Variants in TARS3 observed in about 807,000 individuals in gnomAD.
The protein encoded by TARS3 is threonyl-tRNA synthetase 3.
Under a neutral mutation model 103.5 loss-of-function variants are expected in TARS3, and 94 were observed. The observed-to-expected ratio is 0.91, with a 90% CI of 0.77 to 1.08. The LOEUF (loss-of-function observed/expected upper bound fraction) is 1.08. TARS3 is among the 50% of genes least tolerant of loss of function. The pLI, the probability that TARS3 is intolerant of heterozygous loss-of-function variation, is 0.00. For synonymous variants in TARS3, 416 were observed against 355.4 expected (o/e 1.17, Z -1.92); for missense variants, 952 against 995.2 (o/e 0.96, Z 0.58).
chr15:101,657,755 A>C (rs1897241907), intron 17 of TARS3, 30 bp downstream of exon 17: 1 of 1,489,962 alleles, frequency 6.7e-7, no homozygotes. Flanking sequence ...ATGCAAGATT[A>C]TTATGTACTT....
intron 15 of TARS3, among the ~76,000 whole-genome samples, chr15:101,666,523 C>A (rs1235986924): frequency 1.3e-5 from 2 of 148,440 alleles, no homozygotes; most frequent in African/African-American, 5.0e-5. Context: ...TTTGCATTAA[C>A]CTCAGAAGCG....
At chr15:101,684,044 C>T (rs766210334) in intron 12 of TARS3, 31 bp downstream of exon 12, 4 of 1,591,972 alleles carry the variant, frequency 2.5e-6, no homozygotes, top group Non-Finnish European at 2.6e-6. Context: ...CAATTTGTGA[C>T]CACACTGCTT....
intron 15 of TARS3, among the ~76,000 whole-genome samples, chr15:101,670,787 A>G (rs1413860877): frequency 6.6e-6 from 1 of 152,208 alleles, no homozygotes; most frequent in Non-Finnish European, 1.5e-5. Flanking sequence ...TGGATCCACA[A>G]TGGCACACTA....
chr15:101,657,541 C>G (rs1897236094), intron 17 of TARS3, among the ~76,000 whole-genome samples: 1 of 152,206 alleles, frequency 6.6e-6, no homozygotes, highest in Admixed American at 6.5e-5. Context: ...CCTAATAGAG[C>G]TGTGTAGAAA....
chr15:101,668,670 G>T (rs960208525), intron 15 of TARS3, among the ~76,000 whole-genome samples: 4 of 152,156 alleles, frequency 2.6e-5, no homozygotes, highest in African/African-American at 7.2e-5. Flanking sequence ...ACAGTGTGAA[G>T]CATGATAAAA....
intron 17 of TARS3, 59 bp from the exon 18 acceptor site, chr15:101,657,095 C>G: frequency 1.8e-6 from 2 of 1,087,512 alleles, no homozygotes; most frequent in Non-Finnish European, 2.8e-6. Context: ...CCAAGAAGAC[C>G]CCGTTGTTCC....
chr15:101,722,641 C>CT (rs1459324437), intron 2 of TARS3, among the ~76,000 whole-genome samples: 5 of 22,456 alleles, frequency 2.2e-4, no homozygotes, highest in Non-Finnish European at 4.2e-4. Flanking sequence ...CCCATCTCTA[C>CT]TAAAAAAAAA....
intron 15 of TARS3, among the ~76,000 whole-genome samples, chr15:101,667,577 C>CTT (rs148005966): frequency 1.8e-4 from 27 of 148,038 alleles, no homozygotes; most frequent in Non-Finnish European, 2.5e-4. Context: ...ATGGAGATGG[C>CTT]TTTTTTTTTT....
At chr15:101,671,814 A>T in intron 13 of TARS3, 66 bp from the exon 14 acceptor site, 2 of 1,279,528 alleles carry the variant, frequency 1.6e-6, no homozygotes, top group Non-Finnish European at 2.2e-6. Flanking sequence ...TACAGCTCAC[A>T]AAAGTTACTA....
chr15:101,689,093 C>T (rs1567338664), intron 10 of TARS3, among the ~76,000 whole-genome samples: 2 of 152,164 alleles, frequency 1.3e-5, no homozygotes, highest in Non-Finnish European at 2.9e-5. Flanking sequence ...ATTATGGGCT[C>T]CCTTTACTAT....
intron 10 of TARS3, among the ~76,000 whole-genome samples, chr15:101,690,967 C>A (rs897173037): frequency 6.6e-6 from 1 of 152,006 alleles, no homozygotes; most frequent in African/African-American, 2.4e-5. Context: ...GAAATGGAGT[C>A]TCGCTCTGTC....
At chr15:101,703,794 G>T (rs1021895215) in intron 8 of TARS3, 65 bp downstream of exon 8, 2 of 949,802 alleles carry the variant, frequency 2.1e-6, no homozygotes, top group African/African-American at 1.6e-5. Context: ...AATAAGATAT[G>T]ATTAAAATCC....
At chr15:101,678,638 C>T (rs1171554143) in intron 12 of TARS3, among the ~76,000 whole-genome samples, 1 of 152,138 alleles carries the variant, frequency 6.6e-6, no homozygotes, top group African/African-American at 2.4e-5. Context: ...TTTTCTTAAA[C>T]ATTTCTTCTA....
At chr15:101,685,751 C>T (rs756784896) in intron 11 of TARS3, 145 bp downstream of exon 11, 17 of 580,518 alleles carry the variant, frequency 2.9e-5, no homozygotes, top group African/African-American at 1.1e-4. Context: ...ATCCATTCTC[C>T]GGAATGAAAC....
Position 101,724,167 on chromosome 15 carries a change from C to T in TARS3, c.221G>A (p.Cys74Tyr). The change falls in exon 1 of 19, where the codon TGC becomes TAC. Residue 74 changes from cysteine to tyrosine, a missense_variant. Cys to Tyr is a radical substitution (Grantham distance 194). This residue lies in a region of TARS3 where 412 missense variants were observed against 364.2 expected (regional missense o/e 1.13). Transcript: ENST00000335968. ...CTGGCGGCTCCGCTCCTCGGCGAGGCACAGCCGCAGGCTGCACAGGCGGTG... is the reference window on the plus strand; with the variant it reads ...CTGGCGGCTCCGCTCCTCGGCGAGGTACAGCCGCAGGCTGCACAGGCGGTG... ...LRHRLCSLRL[C>Y]LAEERSRQAT... 6.7e-7 allele frequency: 1 copy of T among 1,489,896 alleles called. No individual in the cohort carries two copies. 92.3% of individuals were successfully genotyped at this position (1,489,896 alleles called of 1,614,324 possible).
At chr15:101,709,643 C>A (rs1190821946) in intron 5 of TARS3, among the ~76,000 whole-genome samples, 1 of 152,332 alleles carries the variant, frequency 6.6e-6, no homozygotes, top group South Asian at 2.1e-4. Flanking sequence ...GTCATCACCA[C>A]CCGGCAGCAG....
chr15:101,721,020 G>A, intron 3 of TARS3, 106 bp downstream of exon 3: 1 of 903,908 alleles, frequency 1.1e-6, no homozygotes, highest in Non-Finnish European at 1.7e-6. Flanking sequence ...TGTCCTTTTA[G>A]TATCGTGAGA....
At position 101,654,693 on chromosome 15, in the gene TARS3, G is replaced by A. The variant is rs200543628; in HGVS notation, c.2298C>T (p.Asn766=). ...GEKEKIDNAV[N]VRTRDNKIHG... ...GAATTTTGTTGTCTCTTGTTCGCAC[G>A]TTTACAGCATTATCTATCTTTTCCT... Residue 766 remains asparagine (N), a synonymous_variant, in exon 19 of 19, where the codon AAC becomes AAT. Transcript: ENST00000335968. 5.0e-5 allele frequency: 81 copies of A among 1,613,890 alleles called. 1 individual carries two copies. In the African/African-American group the frequency reaches 8.8e-4, roughly 18 times the overall value.
intron 15 of TARS3, among the ~76,000 whole-genome samples, chr15:101,670,915 T>C (rs1266199521): frequency 6.6e-6 from 1 of 152,198 alleles, no homozygotes; most frequent in Non-Finnish European, 1.5e-5. Context: ...TGGCTCCGTT[T>C]ACATGACATT....
Sources: allele counts gnomAD v4.1 joint callset (sites outside exome capture counted in the v4.1 genomes callset), GRCh38; gene constraint gnomAD v4.1.1; regional missense constraint gnomAD v4.1.1; transcripts MANE v1.5; gene names NCBI Gene and HGNC (gene_info 2026-07-23, HGNC 2026-07-21).